Variants in DGKB observed in about 807,000 individuals in gnomAD.
DGKB encodes the protein diacylglycerol kinase beta, also known as 90 kDa diacylglycerol kinase.
DGKB carries 67 observed loss-of-function variants against 114.3 expected under a neutral mutation model. The observed-to-expected ratio is 0.59, with a 90% confidence interval of 0.48 to 0.72. The LOEUF is 0.72. Ranked by LOEUF, DGKB falls within the 30% of genes least tolerant of loss-of-function variation. The pLI is 0.00. For synonymous variants in DGKB, 398 were observed against 323.1 expected, an observed-to-expected ratio of 1.23 and a Z score of -2.49; for missense variants, 907 against 975.2, an observed-to-expected ratio of 0.93 and a Z score of 0.93.
At chr7:14,691,956 T>C (rs978495215) in intron 9 of DGKB, among the ~76,000 whole-genome samples, 1 of 152,048 alleles carries the variant, frequency 6.6e-6, no homozygotes, top group African/African-American at 2.4e-5. Context: ...TATTAAAAAG[T>C]AAATTATGTA....
chr7:14,550,168 T>C (rs772358105), intron 20 of DGKB, among the ~76,000 whole-genome samples: 12 of 152,258 alleles, frequency 7.9e-5, no homozygotes, highest in Middle Eastern at 3.4e-3. Flanking sequence ...TATGGATCTG[T>C]TTTGAAAAAA....
intron 12 of DGKB, among the ~76,000 whole-genome samples, chr7:14,680,449 C>T (rs74469929): frequency 0.035 from 5,389 of 151,880 alleles, 241 homozygotes; most frequent in African/African-American, 0.083. Flanking sequence ...AAAGAAACTG[C>T]CTCTTTTCCT....
At chr7:14,686,650 T>A (rs1030253216) in intron 9 of DGKB, among the ~76,000 whole-genome samples, 1 of 152,188 alleles carries the variant, frequency 6.6e-6, no homozygotes, top group African/African-American at 2.4e-5. Flanking sequence ...CTACCTTTCC[T>A]ATTCCCAGTC....
At chr7:14,899,745 G>A (rs1782691556) in intron 1 of DGKB, among the ~76,000 whole-genome samples, 1 of 152,064 alleles carries the variant, frequency 6.6e-6, no homozygotes, top group Non-Finnish European at 1.5e-5. Flanking sequence ...TCCAGTTTAG[G>A]TGGATCCAAT....
chr7:14,756,539 A>T (rs975848568), intron 3 of DGKB, among the ~76,000 whole-genome samples: 1 of 152,006 alleles, frequency 6.6e-6, no homozygotes, highest in Non-Finnish European at 1.5e-5. Flanking sequence ...CAGGCTAAAG[A>T]GTTTTAAAAG....
In DGKB at chr7:14,395,590, G is replaced by T. The variant is rs1282143396; in HGVS notation, c.1836-50199C>A. ...AAGAATTTTAGCATTCTAAAATCCA[G>T]ATAAGTAAAAAATTTCAGAGAACTA... On this transcript the variant is annotated intron_variant, in intron 21 of 25. Coordinates refer to ENST00000402815, the MANE Select transcript of DGKB (RefSeq NM_001350709.2). 3.3e-5 allele frequency among the ~76,000 whole-genome samples: 5 copies of T among 151,642 alleles called. 1 individual carries two copies. The highest frequency in any genetic ancestry group is 7.4e-5 in the Non-Finnish European group (5 of 67,808).
intron 25 of DGKB, among the ~76,000 whole-genome samples, chr7:14,157,261 G>GTGTA (rs3066957): frequency 0.03 from 4,531 of 152,146 alleles, 91 homozygotes; most frequent in East Asian, 0.086. Flanking sequence ...GAATTCATGT[G>GTGTA]TGTAGCTGAG....
chr7:14,392,995 G>GTTTTGTTTTTTTGTTT (rs1554404749), intron 21 of DGKB, among the ~76,000 whole-genome samples: 667 of 60,556 alleles, frequency 0.011, 27 homozygotes, highest in African/African-American at 0.03. Context: ...TTTTGTTTTT[G>GTTTTGTTTTTTTGTTT]TTTTTTTTTT....
At chr7:14,211,478 A>ATGTTTTGTGATTTTACTCTCG (rs1787894753) in intron 23 of DGKB, among the ~76,000 whole-genome samples, 1 of 23,282 alleles carries the variant, frequency 4.3e-5, no homozygotes. Flanking sequence ...TTTTACTCTC[A>ATGTTTTGTGATTTTACTCTCG]TGTTTTGTGA....
At chr7:14,796,123 A>T (rs1841372837) in intron 2 of DGKB, among the ~76,000 whole-genome samples, 1 of 152,228 alleles carries the variant, frequency 6.6e-6, no homozygotes, top group African/African-American at 2.4e-5. Context: ...CTGATGCTTT[A>T]CAAAAAGTTG....
intron 16 of DGKB, among the ~76,000 whole-genome samples, chr7:14,610,935 G>T (rs1805438976): frequency 6.6e-6 from 1 of 152,064 alleles, no homozygotes; most frequent in Admixed American, 6.6e-5. Context: ...CAAAGTTTAT[G>T]CCAGTGTCCA....
At chr7:14,307,236 A>G (rs1021671784) in intron 23 of DGKB, among the ~76,000 whole-genome samples, 4 of 152,170 alleles carry the variant, frequency 2.6e-5, no homozygotes, top group African/African-American at 4.8e-5. Flanking sequence ...TGTGATCACT[A>G]TCTCAAACTA....
At chr7:14,443,400 G>T (rs1306960410) in intron 21 of DGKB, among the ~76,000 whole-genome samples, 1 of 151,980 alleles carries the variant, frequency 6.6e-6, no homozygotes, top group Non-Finnish European at 1.5e-5. Context: ...TTTATTCTGG[G>T]CAAAAATAAA....
chr7:14,877,776 A>T (rs910744375), intron 1 of DGKB, among the ~76,000 whole-genome samples: 2 of 152,182 alleles, frequency 1.3e-5, no homozygotes, highest in African/African-American at 4.8e-5. Flanking sequence ...CCAAGAAATA[A>T]ATAATTCTTC....
chr7:14,557,630 T>A (rs1187629292), intron 20 of DGKB, among the ~76,000 whole-genome samples: 2 of 152,068 alleles, frequency 1.3e-5, no homozygotes, highest in African/African-American at 4.8e-5. Flanking sequence ...CCATATACAG[T>A]TTTGCCCATA....
chr7:14,970,505 T>C (rs1469027921), intron 1 of DGKB, among the ~76,000 whole-genome samples: 8 of 151,992 alleles, frequency 5.3e-5, no homozygotes, highest in Non-Finnish European at 1.0e-4. Flanking sequence ...CAATAAATGT[T>C]AGTCGATTGA....
At chr7:14,936,665 G>A (rs1472700623) in intron 1 of DGKB, among the ~76,000 whole-genome samples, 2 of 152,056 alleles carry the variant, frequency 1.3e-5, no homozygotes, top group African/African-American at 2.4e-5. Context: ...GCCTGTTTGC[G>A]GGCTCGGCAT....
At chr7:14,734,379 G>C (rs1038313608) in intron 5 of DGKB, among the ~76,000 whole-genome samples, 1 of 152,108 alleles carries the variant, frequency 6.6e-6, no homozygotes, top group Non-Finnish European at 1.5e-5. Context: ...TGATACTAGA[G>C]CTGGGACTCG....
At chr7:14,699,885 C>T (rs1422054002) in intron 7 of DGKB, among the ~76,000 whole-genome samples, 1 of 148,662 alleles carries the variant, frequency 6.7e-6, no homozygotes, top group South Asian at 2.1e-4. Flanking sequence ...TATATGCTAA[C>T]AAAAAATGGG....
Sources: gnomAD v4.1 joint callset for allele counts (sites outside exome capture counted in the v4.1 genomes callset) on GRCh38, gnomAD v4.1.1 for gene constraint, MANE v1.5 for transcripts, NCBI Gene and HGNC (gene_info 2026-07-23, HGNC 2026-07-21) for gene names.